CCDC146: variants seen among roughly 807,000 people sequenced by gnomAD.
The protein encoded by CCDC146 is coiled-coil domain-containing protein 146.
In CCDC146, 92 loss-of-function variants were observed where a neutral mutation model predicts 119.3. The ratio of observed to expected loss-of-function variants is 0.77; its 90% CI spans 0.65 to 0.92. CCDC146 has a LOEUF of 0.92. Ranked by LOEUF, CCDC146 falls within the 40% of genes least tolerant of loss-of-function variation. The probability of loss-of-function intolerance (pLI) is 0.00; values close to 1 mark genes in which losing one functional copy is unlikely to be tolerated. For synonymous variants in CCDC146, 372 were observed against 371.8 expected (o/e 1.00, Z -0.01); for missense variants, 1,000 against 1,103.0 (o/e 0.91, Z 1.32).
chr7:77,134,563 CTGTGTGTG>C (rs1554345524), intron 1 of CCDC146, among the ~76,000 whole-genome samples: 97 of 139,386 alleles, frequency 7.0e-4, no homozygotes, highest in Middle Eastern at 3.7e-3. Flanking sequence ...GTGTGTGTGT[CTGTGTGTG>C]TGTGTGTGTG....
chr7:77,174,450 G>A (rs1791472760), intron 2 of CCDC146, among the ~76,000 whole-genome samples: 2 of 152,198 alleles, frequency 1.3e-5, no homozygotes, highest in African/African-American at 2.4e-5. Context: ...GAGCTCAGAG[G>A]CAGTTCTGCA....
At chr7:77,233,567 G>A (rs551454607) in intron 2 of CCDC146, among the ~76,000 whole-genome samples, 9 of 152,214 alleles carry the variant, frequency 5.9e-5, no homozygotes, top group Admixed American at 2.6e-4. Flanking sequence ...CAATTTTTCC[G>A]TGGGGCAGAA....
intron 2 of CCDC146, among the ~76,000 whole-genome samples, chr7:77,228,106 T>G (rs1473488396): frequency 6.6e-6 from 1 of 152,226 alleles, no homozygotes; most frequent in African/African-American, 2.4e-5. Flanking sequence ...AAGACCAAAA[T>G]GTATTAGGAG....
chr7:77,234,788 T>C (rs1164681459), intron 2 of CCDC146, among the ~76,000 whole-genome samples: 1 of 152,112 alleles, frequency 6.6e-6, no homozygotes, highest in African/African-American at 2.4e-5. Context: ...TATGAATAGA[T>C]TTTAAGATAT....
chr7:77,232,164 T>C (rs1422296150), intron 2 of CCDC146, among the ~76,000 whole-genome samples: 1 of 152,240 alleles, frequency 6.6e-6, no homozygotes, highest in East Asian at 1.9e-4. Context: ...CCTCGGTCAG[T>C]CACTGATTGG....
chr7:77,210,048 A>C (rs367854578), intron 2 of CCDC146, among the ~76,000 whole-genome samples: 102 of 152,324 alleles, frequency 6.7e-4, no homozygotes, highest in African/African-American at 2.3e-3. Flanking sequence ...GACTGTTAAC[A>C]TTCAGCTCCT....
intron 17 of CCDC146, among the ~76,000 whole-genome samples, chr7:77,289,836 G>T (rs909556093): frequency 1.3e-5 from 2 of 152,210 alleles, no homozygotes; most frequent in African/African-American, 4.8e-5. Flanking sequence ...AAGTTGGCCA[G>T]TTACACAGAT....
intron 2 of CCDC146, among the ~76,000 whole-genome samples, chr7:77,192,872 G>A (rs1042069726): frequency 6.6e-6 from 1 of 152,026 alleles, no homozygotes; most frequent in Non-Finnish European, 1.5e-5. Flanking sequence ...GCAGTGAGCC[G>A]AGATCTCGCC....
In CCDC146 at chr7:77,278,820, A is replaced by G. The variant is rs1182806745; in HGVS notation, c.1509A>G (p.Lys503=). The change falls in exon 12 of 19, where the codon AAA becomes AAG. Residue 503 remains lysine (K), a synonymous_variant. Coordinates refer to ENST00000285871, the MANE Select transcript of CCDC146 (RefSeq NM_020879.3). ...TTGAAATCAGGATACACAAGAAGAA[A>G]AAATGTGAAATTTATCGGAGGTAAA... ...KDLEIRIHKK[K]KCEIYRRLRE... 4 of 1,612,550 alleles carry G rather than the reference A, an allele frequency of 2.5e-6. No individual in the cohort carries two copies. Among genetic ancestry groups the G allele is most frequent in the Non-Finnish European group, 3.4e-6 (4 of 1,178,984 alleles).
intron 9 of CCDC146, among the ~76,000 whole-genome samples, chr7:77,270,630 G>A (rs1272500403): frequency 6.6e-6 from 1 of 152,126 alleles, no homozygotes; most frequent in Non-Finnish European, 1.5e-5. Flanking sequence ...ATTAGGTTAG[G>A]TTTGCAATTT....
chr7:77,265,547 G>A (rs1793384647), intron 9 of CCDC146, among the ~76,000 whole-genome samples: 1 of 115,334 alleles, frequency 8.7e-6, no homozygotes. Flanking sequence ...CACAAGATTG[G>A]TTCTAAAAGA....
At chr7:77,148,973 A>T (rs548304520) in intron 1 of CCDC146, among the ~76,000 whole-genome samples, 24 of 152,330 alleles carry the variant, frequency 1.6e-4, no homozygotes, top group African/African-American at 5.8e-4. Context: ...GAATTAGAAA[A>T]AACTACTTTA....
chr7:77,261,547 G>A (rs1174032755), intron 8 of CCDC146, among the ~76,000 whole-genome samples: 7 of 151,918 alleles, frequency 4.6e-5, no homozygotes, highest in Non-Finnish European at 8.8e-5. Context: ...GCGCAATCTC[G>A]GCTCACTGCA....
At position 77,198,365 on chromosome 7, in the gene CCDC146, G is replaced by C. The variant is rs149008885; in HGVS notation, c.156+30541G>C. On this transcript the variant is annotated intron_variant, in intron 2 of 18. Transcript: ENST00000285871. The stretch of plus-strand genomic sequence containing the variant: ...AGATGGCTTTCCAAAGTATGAGACA[G>C]TCAGCAACAGTGGTCCCAGTGACTC... 2.8e-5 allele frequency: 27 copies of C among 967,410 alleles called. No homozygotes were observed. The African/African-American group carries it at 4.7e-4, about 17-fold the overall frequency. The allele number at this position is 967,410 out of a possible 1,614,324, so 59.9% of individuals were successfully genotyped here. A position where few individuals can be genotyped will look rare whatever the true frequency, so the allele number is the denominator to read the frequency against.
chr7:77,177,257 T>A (rs543424075), intron 2 of CCDC146, among the ~76,000 whole-genome samples: 2 of 152,280 alleles, frequency 1.3e-5, no homozygotes, highest in Non-Finnish European at 2.9e-5. Flanking sequence ...TAATCCCTAA[T>A]GACATTTCAA....
At chr7:77,271,494 T>TATATATATATAC (rs1202315272) in intron 9 of CCDC146, among the ~76,000 whole-genome samples, 2 of 136,692 alleles carry the variant, frequency 1.5e-5, no homozygotes, top group African/African-American at 5.6e-5. Flanking sequence ...TATATATATA[T>TATATATATATAC]ACACACACAC....
chr7:77,235,863 A>G (rs1465984147), intron 2 of CCDC146, among the ~76,000 whole-genome samples: 2 of 152,244 alleles, frequency 1.3e-5, no homozygotes, highest in South Asian at 2.1e-4. Context: ...TGAGGTCAGG[A>G]GTTCAAGACC....
intron 4 of CCDC146, among the ~76,000 whole-genome samples, chr7:77,252,095 G>C (rs1243496445): frequency 6.6e-6 from 1 of 152,204 alleles, no homozygotes; most frequent in African/African-American, 2.4e-5. Flanking sequence ...GTTGCAGTGA[G>C]CCGAGATCAT....
intron 17 of CCDC146, among the ~76,000 whole-genome samples, chr7:77,291,819 C>T (rs552671607): frequency 1.3e-5 from 2 of 152,298 alleles, no homozygotes; most frequent in East Asian, 3.9e-4. Context: ...TGATGCACAC[C>T]AGGAATTATG....
Sources: allele counts gnomAD v4.1 joint callset (sites outside exome capture counted in the v4.1 genomes callset), GRCh38; gene constraint gnomAD v4.1.1; transcripts MANE v1.5; gene names NCBI Gene and HGNC (gene_info 2026-07-23, HGNC 2026-07-21).